Variants in CSE1L observed in about 807,000 individuals in gnomAD.
CSE1L encodes the protein chromosome segregation 1 like.
CSE1L carries 24 observed loss-of-function variants against 120.4 expected under a neutral mutation model. The ratio of observed to expected loss-of-function variants is 0.20; its 90% CI spans 0.14 to 0.28. The LOEUF is 0.28. CSE1L is among the 10% of genes least tolerant of loss of function. The pLI is 1.00. For synonymous variants in CSE1L, 402 were observed against 398.3 expected (o/e 1.01, Z -0.11); for missense variants, 830 against 1,145.2 (o/e 0.72, Z 3.97).
Position 49,085,299 on chromosome 20 carries a change from A to G in CSE1L, c.1636A>G (p.Ile546Val). The G allele has an allele frequency of 6.2e-7, 1 of 1,613,962 alleles. No individual in the cohort carries two copies. The highest frequency in any genetic ancestry group is 8.5e-7 in the Non-Finnish European group (1 of 1,179,926). ...NNATLFTAAEIAPFVEILLTN... is the reference protein window; with the variant it reads ...NNATLFTAAEVAPFVEILLTN... ...CATCTATAGCTTTACAGCTGCAGAA[A>G]TCGCACCGTTTGTTGAGATTCTGCT... Residue 546 changes from isoleucine to valine, a missense_variant, in exon 16 of 25, where the codon ATC becomes GTC. Ile to Val is a conservative substitution (Grantham distance 29). Coordinates refer to ENST00000262982, the MANE Select transcript of CSE1L (RefSeq NM_001316.4).
chr20:49,088,589 T>A (rs897249362), intron 17 of CSE1L, among the ~76,000 whole-genome samples: 2 of 152,226 alleles, frequency 1.3e-5, no homozygotes, highest in Non-Finnish European at 2.9e-5. Context: ...TAAATCCGTT[T>A]AAGGCTGACA....
chr20:49,087,957 T>C lies in CSE1L; in HGVS notation c.1724-52T>C, dbSNP rs892458301. 12 of 1,281,470 alleles carry C rather than the reference T, an allele frequency of 9.4e-6. No individual in the cohort carries two copies. The Admixed American group carries it at 2.3e-4, about 25-fold the overall frequency. The allele number at this position is 1,281,470 out of a possible 1,614,324, so 79.4% of individuals were successfully genotyped here. A position where few individuals can be genotyped will look rare whatever the true frequency, so the allele number is the denominator to read the frequency against. On this transcript the variant is annotated intron_variant, in intron 16 of 24. Transcript: ENST00000262982. ...TTTTTTCCCCCCAGTCGCTCTCTTA[T>C]TCTGAAGTTTAACTAAACTCTATTT...
chr20:49,067,375 G>C, intron 6 of CSE1L, 95 bp downstream of exon 6: 1 of 795,306 alleles, frequency 1.3e-6, no homozygotes, highest in Non-Finnish European at 2.0e-6. Context: ...AAGCTTATTT[G>C]ATAGATAATG....
intron 6 of CSE1L, among the ~76,000 whole-genome samples, chr20:49,067,922 CT>C (rs1164691158): frequency 3.9e-4 from 41 of 105,852 alleles, no homozygotes; most frequent in Non-Finnish European, 6.4e-4. Context: ...TTTTTTTTCC[CT>C]CTCTCTTTTT....
chr20:49,061,596 G>A (rs978139520), intron 2 of CSE1L, among the ~76,000 whole-genome samples: 18 of 151,288 alleles, frequency 1.2e-4, no homozygotes, highest in East Asian at 3.9e-4. Context: ...TCCACCTCCC[G>A]GGTTCACCCC....
At chr20:49,047,942 C>G (rs531880306) in intron 1 of CSE1L, among the ~76,000 whole-genome samples, 1 of 152,126 alleles carries the variant, frequency 6.6e-6, no homozygotes, top group Non-Finnish European at 1.5e-5. Flanking sequence ...TGTTTGAGAG[C>G]AAGGACCTTG....
intron 10 of CSE1L, among the ~76,000 whole-genome samples, chr20:49,074,176 AGTGTGTGTGTGTGTGTGTGTGTGTGT>A (rs71184254): frequency 6.9e-5 from 8 of 115,424 alleles, no homozygotes; most frequent in African/African-American, 9.7e-5. Context: ...ATACAACTGC[AGTGTGTGTGTGTGTGTGTGTGTGTGT>A]GTGTGTGTGT....
At chr20:49,065,140 A>G (rs1323907646) in intron 3 of CSE1L, among the ~76,000 whole-genome samples, 1 of 139,382 alleles carries the variant, frequency 7.2e-6, no homozygotes, top group Non-Finnish European at 1.5e-5. Context: ...CCTGGGTGAC[A>G]GATGGAAACC....
At chr20:49,074,396 T>C (rs762306249) in intron 10 of CSE1L, among the ~76,000 whole-genome samples, 1 of 151,968 alleles carries the variant, frequency 6.6e-6, no homozygotes, top group African/African-American at 2.4e-5. Context: ...ACTCTACTTA[T>C]TTGTTGTTGA....
Position 49,075,192 on chromosome 20 carries a change from C to T in CSE1L, c.1133-126C>T, listed in dbSNP as rs140326926. 1.5e-3 allele frequency: 1,101 copies of T among 753,972 alleles called. 7 individuals are homozygous for T. In the African/African-American group the frequency reaches 0.017, roughly 12 times the overall value. 46.7% of individuals were successfully genotyped at this position (753,972 alleles called of 1,614,324 possible). A position where few individuals can be genotyped will look rare whatever the true frequency, so the allele number is the denominator to read the frequency against. On this transcript the variant is annotated intron_variant, in intron 11 of 24. Coordinates refer to ENST00000262982, the MANE Select transcript of CSE1L (RefSeq NM_001316.4). ...AGCTATTGGGTGGCCCTTTGTTTTTCGTTCTTTTTTTTCCGTTTTACAATC... is the reference window on the plus strand; with the variant it reads ...AGCTATTGGGTGGCCCTTTGTTTTTTGTTCTTTTTTTTCCGTTTTACAATC...
Position 49,067,383 on chromosome 20 carries a change from A to C in CSE1L, c.567+103A>C, listed in dbSNP as rs1032406430. On this transcript the variant is annotated intron_variant, in intron 6 of 24. Transcript: ENST00000262982. The stretch of plus-strand genomic sequence containing the variant: ...GCTTTGAAAGCTTATTTGATAGATA[A>C]TGTTTAGAGCATTTCTTTTGAAAAA... The C allele has an allele frequency of 6.7e-6, 5 of 741,450 alleles. No homozygotes were observed. The Admixed American group carries it at 1.5e-4, about 22-fold the overall frequency. The allele number at this position is 741,450 out of a possible 1,614,324, so 45.9% of individuals were successfully genotyped here. A position where few individuals can be genotyped will look rare whatever the true frequency, so the allele number is the denominator to read the frequency against.
intron 2 of CSE1L, among the ~76,000 whole-genome samples, chr20:49,061,483 ATTATTATTTAT>A (rs1328553815): frequency 4.3e-5 from 5 of 117,608 alleles, no homozygotes; most frequent in East Asian, 2.8e-4. Context: ...AAAAATTATT[ATTATTATTTAT>A]TTATTTATTT....
At chr20:49,077,100 C>G (rs760171172) in intron 13 of CSE1L, 36 bp downstream of exon 13, 2 of 1,245,910 alleles carry the variant, frequency 1.6e-6, no homozygotes, top group Non-Finnish European at 2.3e-6. Flanking sequence ...TTACAGCTTG[C>G]CACACTATAC....
intron 8 of CSE1L, among the ~76,000 whole-genome samples, chr20:49,071,332 AC>A (rs925761958): frequency 1.6e-4 from 25 of 152,360 alleles, no homozygotes; most frequent in African/African-American, 5.8e-4. Context: ...CCTTCAGAAA[AC>A]AAAACTTTTC....
At chr20:49,071,352 A>G (rs917311935) in intron 8 of CSE1L, among the ~76,000 whole-genome samples, 3 of 152,222 alleles carry the variant, frequency 2.0e-5, no homozygotes, top group South Asian at 2.1e-4. Context: ...TCTTCACACA[A>G]AAGTCACAAG....
At chr20:49,078,721 C>A in intron 14 of CSE1L, 99 bp downstream of exon 14, 1 of 711,628 alleles carries the variant, frequency 1.4e-6, no homozygotes, top group African/African-American at 1.9e-5. Context: ...ATATCCACAT[C>A]TAACAAAATT....
chr20:49,093,160 C>G (rs2092114391), intron 22 of CSE1L, among the ~76,000 whole-genome samples: 1 of 152,154 alleles, frequency 6.6e-6, no homozygotes, highest in Non-Finnish European at 1.5e-5. Context: ...GGAAAGGAGA[C>G]CAGAAAACAT....
At chr20:49,083,910 CAG>C (rs1285248236) in intron 14 of CSE1L, 114 bp from the exon 15 acceptor site, 12 of 1,076,904 alleles carry the variant, frequency 1.1e-5, no homozygotes, top group Admixed American at 5.3e-5. Context: ...CCTATTATAA[CAG>C]AGCTTAAAAA....
At chr20:49,048,007 A>G (rs953584425) in intron 1 of CSE1L, among the ~76,000 whole-genome samples, 3 of 152,162 alleles carry the variant, frequency 2.0e-5, no homozygotes, top group Non-Finnish European at 4.4e-5. Flanking sequence ...TGTGCTTGCC[A>G]CATGGTAGAT....
Sources: gnomAD v4.1 joint callset for allele counts (sites outside exome capture counted in the v4.1 genomes callset) on GRCh38, gnomAD v4.1.1 for gene constraint, MANE v1.5 for transcripts, NCBI Gene and HGNC (gene_info 2026-07-23, HGNC 2026-07-21) for gene names.